ZBTB7C: variants seen among roughly 807,000 people sequenced by gnomAD.
ZBTB7C encodes zinc finger and BTB domain containing 7C.
In ZBTB7C, 8 loss-of-function variants were observed where a neutral mutation model predicts 25.7. That is an observed-to-expected ratio of 0.31 (90% CI 0.18 to 0.56). ZBTB7C has a LOEUF of 0.56. Among genes scored for constraint, ZBTB7C ranks in the 20% least tolerant of loss-of-function variants. The probability of loss-of-function intolerance (pLI) is 0.91; values close to 1 mark genes in which losing one functional copy is unlikely to be tolerated. For synonymous variants in ZBTB7C, 394 were observed against 369.0 expected, an observed-to-expected ratio of 1.07 and a Z score of -0.78; for missense variants, 824 against 855.2, an observed-to-expected ratio of 0.96 and a Z score of 0.46.
At chr18:48,150,743 T>C (rs868725382) in intron 3 of ZBTB7C, 7 of 152,170 alleles carry the variant, frequency 4.6e-5, no homozygotes, top group African/African-American at 1.2e-4. Flanking sequence ...CTGTCTCGCA[T>C]AGTTAGCAGA....
At chr18:48,263,004 C>T (rs923232430) in intron 2 of ZBTB7C, among the ~76,000 whole-genome samples, 1 of 152,224 alleles carries the variant, frequency 6.6e-6, no homozygotes, top group African/African-American at 2.4e-5. Context: ...GTAACCTGCA[C>T]CTGGCCTGGC....
chr18:48,279,113 C>A (rs2044754147), intron 2 of ZBTB7C, among the ~76,000 whole-genome samples: 1 of 152,130 alleles, frequency 6.6e-6, no homozygotes, highest in Non-Finnish European at 1.5e-5. Context: ...AACCAGCTCA[C>A]CCCAGGGCCC....
intron 2 of ZBTB7C, among the ~76,000 whole-genome samples, chr18:48,240,776 A>G (rs2043502007): frequency 1.3e-5 from 2 of 152,202 alleles, no homozygotes; most frequent in Non-Finnish European, 2.9e-5. Flanking sequence ...CTATAAAACA[A>G]TAACACAATG....
intron 3 of ZBTB7C, among the ~76,000 whole-genome samples, chr18:48,053,588 C>T (rs1255274164): frequency 6.6e-6 from 1 of 152,114 alleles, no homozygotes; most frequent in South Asian, 2.1e-4. Context: ...TCATTATCAC[C>T]CCATTTTTCA....
intron 1 of ZBTB7C, among the ~76,000 whole-genome samples, chr18:48,404,994 C>T (rs184567407): frequency 6.6e-6 from 1 of 152,186 alleles, no homozygotes; most frequent in African/African-American, 2.4e-5. Context: ...GAAGTCTCCC[C>T]CTGGTAAAAC....
intron 3 of ZBTB7C, among the ~76,000 whole-genome samples, chr18:48,080,662 T>G (rs894987192): frequency 1.3e-5 from 2 of 152,216 alleles, no homozygotes; most frequent in African/African-American, 4.8e-5. Flanking sequence ...TAGTGGCTGA[T>G]GTGGCACCAT....
chr18:48,137,252 C>T (rs1265093330), intron 3 of ZBTB7C: 1 of 985,368 alleles, frequency 1.0e-6, no homozygotes, highest in Non-Finnish European at 1.2e-6. Flanking sequence ...TACTGTTAAG[C>T]GCAGGACAGG....
chr18:48,265,937 A>G (rs1351360121), intron 2 of ZBTB7C, among the ~76,000 whole-genome samples: 1 of 152,136 alleles, frequency 6.6e-6, no homozygotes, highest in Non-Finnish European at 1.5e-5. Flanking sequence ...AAGCAGCAGC[A>G]AATCAGTGTG....
chr18:48,403,175 C>T (rs1430465096), intron 1 of ZBTB7C, among the ~76,000 whole-genome samples: 3 of 152,194 alleles, frequency 2.0e-5, no homozygotes, highest in Non-Finnish European at 4.4e-5. Context: ...AGCTCTTGCC[C>T]ACCAAAGAAG....
At chr18:48,262,249 C>T (rs1380769724) in intron 2 of ZBTB7C, among the ~76,000 whole-genome samples, 1 of 152,230 alleles carries the variant, frequency 6.6e-6, no homozygotes, top group Non-Finnish European at 1.5e-5. Context: ...AGCTCCCTGG[C>T]TCATGGTCTA....
chr18:48,231,182 G>A (rs915841237), intron 2 of ZBTB7C, among the ~76,000 whole-genome samples: 1 of 152,062 alleles, frequency 6.6e-6, no homozygotes, highest in Non-Finnish European at 1.5e-5. Flanking sequence ...GGTCCCTGGT[G>A]AAACCCCACC....
chr18:48,158,854 C>T (rs1425398268), intron 3 of ZBTB7C, among the ~76,000 whole-genome samples: 1 of 152,176 alleles, frequency 6.6e-6, no homozygotes, highest in Non-Finnish European at 1.5e-5. Flanking sequence ...TACTGATAAT[C>T]TGGGGTGAGC....
chr18:48,083,101 A>T (rs118142398), intron 3 of ZBTB7C, among the ~76,000 whole-genome samples: 7,547 of 152,224 alleles, frequency 0.05, 270 homozygotes, highest in South Asian at 0.089. Flanking sequence ...GCGTGTGAAG[A>T]CCTGAAATAA....
At chr18:48,092,712 G>A (rs2049361042) in intron 3 of ZBTB7C, among the ~76,000 whole-genome samples, 1 of 152,238 alleles carries the variant, frequency 6.6e-6, no homozygotes, top group African/African-American at 2.4e-5. Flanking sequence ...AGACTCATAT[G>A]CAGATGAAAG....
intron 2 of ZBTB7C, among the ~76,000 whole-genome samples, chr18:48,300,610 G>A (rs2045520429): frequency 6.6e-6 from 1 of 152,194 alleles, no homozygotes; most frequent in Admixed American, 6.5e-5. Context: ...GCGGGGCCAG[G>A]AGGAGGTGCA....
In ZBTB7C at chr18:48,245,103, TAC is replaced by T. The variant is rs1555723399; in HGVS notation, c.-78-59110_-78-59109del. On this transcript the variant is annotated intron_variant, in intron 2 of 4. Coordinates refer to ENST00000590800, the MANE Select transcript of ZBTB7C (RefSeq NM_001318841.2). The stretch of plus-strand genomic sequence containing the variant: ...TAGTGTGTGTGTGTGTATATATATA[TAC>T]ACACACACACACACACACCATGGAA... 1.1e-4 allele frequency among the ~76,000 whole-genome samples: 16 copies of T among 144,516 alleles called. 1 individual carries two copies. Among genetic ancestry groups the T allele is most frequent in the East Asian group, 5.9e-4 (3 of 5,070 alleles). The allele number at this position is 144,516 out of a possible 152,430, so 94.8% of individuals were successfully genotyped here.
intron 1 of ZBTB7C, among the ~76,000 whole-genome samples, chr18:48,357,395 T>G (rs753667392): frequency 6.6e-6 from 1 of 152,104 alleles, no homozygotes; most frequent in Non-Finnish European, 1.5e-5. Flanking sequence ...AGCTCACACT[T>G]CCTCACCTCT....
chr18:48,183,408 C>T (rs570428697), intron 3 of ZBTB7C, among the ~76,000 whole-genome samples: 1 of 152,258 alleles, frequency 6.6e-6, no homozygotes, highest in African/African-American at 2.4e-5. Context: ...TACAATATAC[C>T]TTCTGGTACT....
At chr18:48,220,813 G>A (rs189207119) in intron 2 of ZBTB7C, among the ~76,000 whole-genome samples, 218 of 152,162 alleles carry the variant, frequency 1.4e-3, no homozygotes, top group African/African-American at 5.0e-3. Flanking sequence ...CAGCAAAAAC[G>A]GAGGCACAGA....
Sources: allele counts gnomAD v4.1 joint callset (sites outside exome capture counted in the v4.1 genomes callset), GRCh38; gene constraint gnomAD v4.1.1; transcripts MANE v1.5; gene names NCBI Gene and HGNC (gene_info 2026-07-23, HGNC 2026-07-21).